The following MYO9B variants were observed in gnomAD, a reference collection of about 807,000 sequenced individuals.
MYO9B encodes the protein myosin IXB, also known as unconventional myosin-IXb.
In MYO9B, 71 loss-of-function variants were observed where a neutral mutation model predicts 229.5. The ratio of observed to expected loss-of-function variants is 0.31; its 90% CI spans 0.26 to 0.38. MYO9B has a LOEUF of 0.38. Ranked by LOEUF, MYO9B falls within the 10% of genes least tolerant of loss-of-function variation. The pLI, the probability that MYO9B is intolerant of heterozygous loss-of-function variation, is 1.00. For missense variants in MYO9B, 2,255 were observed against 2,920.5 expected (o/e 0.77, Z 5.25); for synonymous variants, 1,185 against 1,235.8 (o/e 0.96, Z 0.86).
At chr19:17,167,572 C>T (rs369762614) in intron 10 of MYO9B, among the ~76,000 whole-genome samples, 11 of 151,280 alleles carry the variant, frequency 7.3e-5, no homozygotes, top group African/African-American at 2.4e-4. Context: ...CTCCACTTCC[C>T]GTGTTCAAGC....
At chr19:17,088,054 C>T (rs1485924908) in intron 1 of MYO9B, among the ~76,000 whole-genome samples, 6 of 152,042 alleles carry the variant, frequency 3.9e-5, no homozygotes, top group Non-Finnish European at 5.9e-5. Flanking sequence ...GAGCCGAGAT[C>T]GCACCACCGC....
intron 1 of MYO9B, among the ~76,000 whole-genome samples, chr19:17,078,554 A>T (rs1250956191): frequency 3.9e-5 from 6 of 152,008 alleles, no homozygotes; most frequent in Non-Finnish European, 7.4e-5. Flanking sequence ...AATAATAATT[A>T]AAAAAAAGAA....
At position 17,194,727 on chromosome 19, in the gene MYO9B, G is replaced by C; in HGVS notation, c.3300G>C (p.Glu1100Asp). 1 of 1,612,980 alleles carries C rather than the reference G, an allele frequency of 6.2e-7. No homozygotes were observed. Among genetic ancestry groups the C allele is most frequent in the Non-Finnish European group, 8.5e-7 (1 of 1,179,872 alleles). The change falls in exon 22 of 40, where the codon GAG (glutamate) becomes GAC (aspartate). Residue 1100 changes from glutamate (E) to aspartate (D), a missense_variant. Glu to Asp is a conservative substitution (Grantham distance 45). This residue lies in a region of MYO9B where 679 missense variants were observed against 770.2 expected (regional missense o/e 0.88). Transcript: ENST00000682292. The part of the protein sequence containing the change: ...PAEDGGHLAS[E>D]PEVQPSDRSP... ...AGGATGGCGGGCACCTGGCATCGGA[G>C]CCTGAGGTGCAGCCAAGTGACAGGT...
In MYO9B at chr19:17,173,492, C is replaced by T. The variant is rs1036569847; in HGVS notation, c.2140+529C>T. On this transcript the variant is annotated intron_variant, in intron 13 of 39. Coordinates refer to ENST00000682292, the MANE Select transcript of MYO9B (RefSeq NM_004145.4). ...CTAATTTTTGTATTTTTAGTAGAGA[C>T]GGGGTTTCGCCCTGTTGGCCAGGCT... 4.6e-5 allele frequency among the ~76,000 whole-genome samples: 7 copies of T among 151,852 alleles called. No homozygotes were observed. In the East Asian group the frequency reaches 5.8e-4, roughly 13 times the overall value.
At chr19:17,199,081 T>C (rs904945136) in intron 24 of MYO9B, among the ~76,000 whole-genome samples, 1 of 152,048 alleles carries the variant, frequency 6.6e-6, no homozygotes, top group Non-Finnish European at 1.5e-5. Flanking sequence ...TGCATGCCTG[T>C]AGTCCCAGCT....
At chr19:17,080,209 G>C (rs1285032549) in intron 1 of MYO9B, among the ~76,000 whole-genome samples, 8 of 152,216 alleles carry the variant, frequency 5.3e-5, no homozygotes, top group Non-Finnish European at 1.0e-4. Flanking sequence ...AAGAGAAGGA[G>C]CCCCGCTAGG....
rs139532622 is a variant in MYO9B, at chr19:17,079,882, G to A, written c.-59+4008G>A. Among the ~76,000 whole-genome samples the A allele has an allele frequency of 1.9e-3, 292 of 152,254 alleles. 6 individuals carry two copies. The East Asian group carries it at 0.05, about 26-fold the overall frequency. The stretch of plus-strand genomic sequence containing the variant: ...AGACAAGCCCTTCTCTTCTGCCCTC[G>A]TGGTCCCTGGAGTGGCAGAACAAAG... On this transcript the variant is annotated intron_variant, in intron 1 of 39. Coordinates refer to ENST00000682292, the MANE Select transcript of MYO9B (RefSeq NM_004145.4).
intron 7 of MYO9B, chr19:17,157,398 T>C (rs913415746): frequency 5.1e-5 from 10 of 196,326 alleles, no homozygotes; most frequent in Non-Finnish European, 8.6e-5. Flanking sequence ...CTACTAAAAA[T>C]ACAAAAAGAA....
chr19:17,205,164 A>AAAGG, intron 30 of MYO9B, 99 bp from the exon 31 acceptor site: 1 of 748,910 alleles, frequency 1.3e-6, no homozygotes, highest in Non-Finnish European at 2.1e-6. Flanking sequence ...AAAAAAAAAA[A>AAAGG]AAGAAGGCAA....
intron 13 of MYO9B, 50 bp from the exon 14 acceptor site, chr19:17,175,613 G>A (rs1324872734): frequency 7.3e-7 from 1 of 1,361,894 alleles, no homozygotes; most frequent in South Asian, 1.3e-5. Flanking sequence ...AATAATTGCA[G>A]CCTCCATAGG....
At chr19:17,171,109 C>G (rs1196619017) in intron 11 of MYO9B, among the ~76,000 whole-genome samples, 2 of 152,188 alleles carry the variant, frequency 1.3e-5, no homozygotes, top group Admixed American at 1.3e-4. Context: ...ACTCCATACC[C>G]TCTTTACAGT....
intron 2 of MYO9B, among the ~76,000 whole-genome samples, chr19:17,132,626 T>A (rs2072215477): frequency 6.7e-6 from 1 of 148,208 alleles, no homozygotes; most frequent in Non-Finnish European, 1.5e-5. Context: ...CCTCCCAGGT[T>A]CGTGCCATTC....
chr19:17,102,781 C>G (rs1162639443), intron 2 of MYO9B, among the ~76,000 whole-genome samples: 2 of 151,176 alleles, frequency 1.3e-5, no homozygotes, highest in Non-Finnish European at 2.9e-5. Context: ...GTAGTGCTCA[C>G]CTGTAGTCCC....
At chr19:17,110,188 C>A (rs549716433) in intron 2 of MYO9B, among the ~76,000 whole-genome samples, 1 of 152,322 alleles carries the variant, frequency 6.6e-6, no homozygotes, top group Non-Finnish European at 1.5e-5. Flanking sequence ...ACCCCCGCCC[C>A]CCGCGAGGGT....
rs1001910123 is a variant in MYO9B, at chr19:17,193,548, G to C, written c.3128+486G>C. On this transcript the variant is annotated intron_variant, in intron 21 of 39. Transcript: ENST00000682292. This position sits in a 1 kb window ranked among gnomAD's most constrained non-coding sequence, Gnocchi z 4.3. ...CAGACCCAGCTCTGCCACAAGTCAG[G>C]TCCCAGCTCCCGGAGCAGGCCCTAC... is the stretch of plus-strand genomic sequence containing the variant. 5.3e-5 allele frequency among the ~76,000 whole-genome samples: 8 copies of C among 152,142 alleles called. No homozygotes were observed.
intron 22 of MYO9B, among the ~76,000 whole-genome samples, chr19:17,197,438 A>AGATG (rs1392343954): frequency 1.6e-4 from 24 of 152,252 alleles, no homozygotes; most frequent in African/African-American, 5.8e-4. Flanking sequence ...ATAGATAGAT[A>AGATG]GATAGATAGA....
chr19:17,212,369 C>T lies in MYO9B; in HGVS notation c.*59C>T. ...ACGGCCCCTGCACTGGAGCTGGGCG[C>T]CAGAGCTGCAGAGCTAGTGTTCGGC... is the stretch of plus-strand genomic sequence containing the variant. On this transcript the variant is annotated 3_prime_UTR_variant, in exon 40 of 40. Coordinates refer to ENST00000682292, the MANE Select transcript of MYO9B (RefSeq NM_004145.4). This position sits in a 1 kb window ranked among gnomAD's most constrained non-coding sequence, Gnocchi z 5.4. The T allele has an allele frequency of 7.1e-7, 1 of 1,409,254 alleles. No individual in the cohort carries two copies. The highest frequency in any genetic ancestry group is 1.5e-5 in the South Asian group (1 of 65,322). The allele number at this position is 1,409,254 out of a possible 1,614,324, so 87.3% of individuals were successfully genotyped here.
At chr19:17,128,404 G>A (rs2072151960) in intron 2 of MYO9B, among the ~76,000 whole-genome samples, 2 of 152,050 alleles carry the variant, frequency 1.3e-5, no homozygotes, top group Non-Finnish European at 2.9e-5. Context: ...AAAAGAAATA[G>A]CCTGCAGCCC....
chr19:17,194,764 C>A lies in MYO9B; in HGVS notation c.3337C>A (p.His1113Asn). Residue 1113 changes from histidine to asparagine, a missense_variant, in exon 22 of 40, where the codon CAC (histidine) becomes AAC (asparagine). By Grantham distance (68) the His-to-Asn change is moderately conservative (BLOSUM62 1). This residue lies in a region of MYO9B where 679 missense variants were observed against 770.2 expected (regional missense o/e 0.88). Transcript: ENST00000682292. Reference sequence around the variant, plus strand: ...GCCAAGTGACAGGTCCCCCCTAGAGCACTCCTCACCTGAGAAGGAGGCCCC... The same window carrying A: ...GCCAAGTGACAGGTCCCCCCTAGAGAACTCCTCACCTGAGAAGGAGGCCCC... ...VQPSDRSPLE[H>N]SSPEKEAPSP... 1 of 1,613,240 alleles carries A rather than the reference C, an allele frequency of 6.2e-7. No homozygotes were observed. Among genetic ancestry groups the A allele is most frequent in the Non-Finnish European group, 8.5e-7 (1 of 1,179,880 alleles).
Sources: gnomAD v4.1 joint callset for allele counts (sites outside exome capture counted in the v4.1 genomes callset) on GRCh38, gnomAD v4.1.1 for gene constraint, gnomAD v4.1.1 regional missense constraint, Gnocchi (gnomAD v3.1) non-coding constraint, MANE v1.5 for transcripts, NCBI Gene and HGNC (gene_info 2026-07-23, HGNC 2026-07-21) for gene names.